Variants in KCNU1 observed in about 807,000 individuals in gnomAD.
KCNU1 encodes potassium channel subfamily U member 1.
Under a neutral mutation model 126.8 loss-of-function variants are expected in KCNU1, and 93 were observed. The ratio of observed to expected loss-of-function variants is 0.73; its 90% CI spans 0.62 to 0.87. The LOEUF (loss-of-function observed/expected upper bound fraction) is 0.87, where lower values mean the gene tolerates loss of function less well. Among genes scored for constraint, KCNU1 ranks in the 40% least tolerant of loss-of-function variants. KCNU1 has a pLI of 0.00. For missense variants in KCNU1, 1,330 were observed against 1,367.1 expected (o/e 0.97, Z 0.43); for synonymous variants, 523 against 494.2 (o/e 1.06, Z -0.77).
At chr8:36,879,211 G>GTGTGTATATA (rs541223094) in intron 19 of KCNU1, among the ~76,000 whole-genome samples, 1 of 101,754 alleles carries the variant, frequency 9.8e-6, no homozygotes, top group Non-Finnish European at 2.0e-5. Flanking sequence ...GTGTGTGTGT[G>GTGTGTATATA]TATATATATA....
At chr8:36,830,632 C>T (rs1051742114) in intron 10 of KCNU1, among the ~76,000 whole-genome samples, 6 of 151,732 alleles carry the variant, frequency 4.0e-5, no homozygotes, top group East Asian at 1.9e-4. Flanking sequence ...AAGTTAAACG[C>T]GAAACCATGT....
At chr8:36,907,318 T>C (rs867857996) in intron 20 of KCNU1, among the ~76,000 whole-genome samples, 1 of 152,286 alleles carries the variant, frequency 6.6e-6, no homozygotes, top group Middle Eastern at 3.4e-3. Context: ...CAGGAGACAG[T>C]TTAGTGCCAC....
At chr8:36,859,093 T>G (rs549554481) in intron 18 of KCNU1, among the ~76,000 whole-genome samples, 27 of 152,256 alleles carry the variant, frequency 1.8e-4, no homozygotes, top group African/African-American at 6.5e-4. Flanking sequence ...TACCATGAAA[T>G]GCTCACAGGT....
chr8:36,813,940 C>T (rs192442503), intron 7 of KCNU1, among the ~76,000 whole-genome samples: 158 of 152,252 alleles, frequency 1.0e-3, no homozygotes, highest in Middle Eastern at 3.4e-3. Flanking sequence ...CATCTGTCCC[C>T]GGTGGAGCTT....
Position 36,784,503 on chromosome 8 carries a change from C to A in KCNU1, c.93C>A (p.Ser31=). The change falls in exon 1 of 27, where the codon TCC becomes TCA. Residue 31 remains serine, a synonymous_variant. Transcript: ENST00000399881. ...TCCAAGCAGCATTCATTCTCTCTTCCTTTGTGACCTTCTTCAGTGGACTCA... is the reference window on the plus strand; with the variant it reads ...TCCAAGCAGCATTCATTCTCTCTTCATTTGTGACCTTCTTCAGTGGACTCA... The part of the protein sequence containing the change: ...TEIQAAFILS[S]FVTFFSGLII... 2 of 1,613,914 alleles carry A rather than the reference C, an allele frequency of 1.2e-6. No individual in the cohort carries two copies. The highest frequency in any genetic ancestry group is 1.7e-6 in the Non-Finnish European group (2 of 1,179,794).
intron 22 of KCNU1, among the ~76,000 whole-genome samples, chr8:36,912,067 T>A (rs1319778331): frequency 6.6e-6 from 1 of 152,196 alleles, no homozygotes; most frequent in Non-Finnish European, 1.5e-5. Context: ...TCAAGCTATG[T>A]TCCTTGGGGA....
intron 17 of KCNU1, 22 bp from the exon 18 acceptor site, chr8:36,845,780 T>C (rs769548093): frequency 3.2e-6 from 5 of 1,565,236 alleles, no homozygotes; most frequent in Non-Finnish European, 4.4e-6. Flanking sequence ...TAATTCATTC[T>C]TGGTTTTCTT....
At chr8:36,922,436 CT>C in intron 23 of KCNU1, 53 bp from the exon 24 acceptor site, 1 of 1,560,100 alleles carries the variant, frequency 6.4e-7, no homozygotes, top group Non-Finnish European at 8.7e-7. Flanking sequence ...GATGGCACTT[CT>C]TATATTCTTA....
rs201035683 is a variant in KCNU1 at position 36,841,003 on chromosome 8, G to T, written c.1703G>T (p.Cys568Phe). 3.2e-6 allele frequency: 5 copies of T among 1,542,996 alleles called. No homozygotes were observed. Among genetic ancestry groups the T allele is most frequent in the Non-Finnish European group, 4.5e-6 (5 of 1,117,404 alleles). ...AAGTCCCTCTTTACGGATGGTTTCT[G>T]GTACCAATAAGTCTGCTCATCTCTT... is the stretch of plus-strand genomic sequence containing the variant. ...EYKSLFTDGF[C>F]GLILNPPPQV... The change falls in exon 16 of 27, where the codon TGT becomes TTT. Residue 568 changes from cysteine to phenylalanine, a missense_variant and splice_region_variant. Cys to Phe is a radical substitution (Grantham distance 205, BLOSUM62 -2). Around this residue, in one of 3 missense-constraint regions of KCNU1, gnomAD observed 1,054 missense variants for 1,053.9 expected, o/e 1.00. Coordinates refer to ENST00000399881, the MANE Select transcript of KCNU1 (RefSeq NM_001031836.3).
chr8:36,889,098 C>G, intron 19 of KCNU1: 1 of 529,954 alleles, frequency 1.9e-6, no homozygotes, highest in Non-Finnish European at 3.9e-6. Context: ...AGGCTGATCT[C>G]GAACTCCTGA....
At position 36,909,411 on chromosome 8, in the gene KCNU1, T is replaced by G; in HGVS notation, c.2207T>G (p.Met736Arg). 1 of 1,613,176 alleles carries G rather than the reference T, an allele frequency of 6.2e-7. No individual in the cohort carries two copies. ...CCGATGGGGCTTCGGAACTTTGTAA[T>G]GCCCTTGAGAGCCAGCAACTATACC... ...SAPMGLRNFV[M>R]PLRASNYTRK... Residue 736 changes from methionine (M) to arginine (R), a missense_variant, in exon 21 of 27, where the codon ATG (methionine) becomes AGG (arginine). Met to Arg is a moderately conservative substitution (Grantham distance 91). Coordinates refer to ENST00000399881, the MANE Select transcript of KCNU1 (RefSeq NM_001031836.3).
chr8:36,845,939 C>G lies in KCNU1; in HGVS notation c.1891+40C>G, dbSNP rs145636534. On this transcript the variant is annotated intron_variant, in intron 18 of 26. Transcript: ENST00000399881. The stretch of plus-strand genomic sequence containing the variant: ...TTTCTGGCTGTCCTTAGCCCAGCCT[C>G]TAGGGAGCTGCCTGACGAAAGAGAA... 2,867 of 1,187,254 alleles carry G rather than the reference C, an allele frequency of 2.4e-3. 8 individuals carry two copies. Among genetic ancestry groups the G allele is most frequent in the Non-Finnish European group, 3.1e-3 (2,479 of 812,770 alleles). The allele number at this position is 1,187,254 out of a possible 1,614,324, so 73.5% of individuals were successfully genotyped here. A position where few individuals can be genotyped will look rare whatever the true frequency, so the allele number is the denominator to read the frequency against.
chr8:36,874,281 T>C (rs772413651), intron 19 of KCNU1, among the ~76,000 whole-genome samples: 1 of 152,222 alleles, frequency 6.6e-6, no homozygotes, highest in Non-Finnish European at 1.5e-5. Context: ...AATAGTCATG[T>C]TCCTTAAAAC....
intron 19 of KCNU1, among the ~76,000 whole-genome samples, chr8:36,880,550 C>T (rs374279530): frequency 3.9e-5 from 6 of 152,048 alleles, no homozygotes; most frequent in Non-Finnish European, 7.4e-5. Context: ...TGCAAAACTG[C>T]GTTCTCAAGC....
chr8:36,792,583 C>T (rs1012240882), intron 2 of KCNU1, among the ~76,000 whole-genome samples: 18 of 152,172 alleles, frequency 1.2e-4, no homozygotes, highest in Non-Finnish European at 2.4e-4. Flanking sequence ...TCCTTTCCCC[C>T]ACTACCATTT....
At chr8:36,805,580 C>G (rs1290902161) in intron 4 of KCNU1, among the ~76,000 whole-genome samples, 1 of 152,144 alleles carries the variant, frequency 6.6e-6, no homozygotes, top group Non-Finnish European at 1.5e-5. Context: ...TAATGACAAG[C>G]GAGCAGAACT....
intron 19 of KCNU1, among the ~76,000 whole-genome samples, chr8:36,870,910 G>A (rs1585488758): frequency 6.6e-6 from 1 of 152,052 alleles, no homozygotes; most frequent in Non-Finnish European, 1.5e-5. Context: ...TTCCCCAAGA[G>A]TCCCATTGGC....
intron 22 of KCNU1, among the ~76,000 whole-genome samples, chr8:36,916,106 G>A (rs911744966): frequency 7.4e-5 from 11 of 149,378 alleles, no homozygotes; most frequent in African/African-American, 2.7e-4. Flanking sequence ...AGAAGGGAAG[G>A]AAGGAAGGAA....
chr8:36,836,249 CT>C, intron 12 of KCNU1, 46 bp from the exon 13 acceptor site: 1 of 1,201,158 alleles, frequency 8.3e-7, no homozygotes. Context: ...TTACAAAGCC[CT>C]TTGGCTATGA....
Sources: allele counts gnomAD v4.1 joint callset (sites outside exome capture counted in the v4.1 genomes callset), GRCh38; gene constraint gnomAD v4.1.1; regional missense constraint gnomAD v4.1.1; transcripts MANE v1.5; gene names NCBI Gene and HGNC (gene_info 2026-07-23, HGNC 2026-07-21).